The following ZNF638 variants were observed in gnomAD, a reference collection of about 807,000 sequenced individuals.
ZNF638 encodes the protein zinc finger protein 638.
ZNF638 carries 46 observed loss-of-function variants against 195.6 expected under a neutral mutation model. The observed-to-expected ratio is 0.24, with a 90% CI of 0.19 to 0.30. The LOEUF (loss-of-function observed/expected upper bound fraction) is 0.30. Ranked by LOEUF, ZNF638 falls within the 10% of genes least tolerant of loss-of-function variation. The pLI is 1.00. For synonymous variants in ZNF638, 845 were observed against 772.0 expected (o/e 1.09, Z -1.57); for missense variants, 2,440 against 2,325.3 (o/e 1.05, Z -1.01).
chr2:71,417,198 G>T (rs1261979539), intron 20 of ZNF638, among the ~76,000 whole-genome samples: 1 of 151,808 alleles, frequency 6.6e-6, no homozygotes, highest in Non-Finnish European at 1.5e-5. Flanking sequence ...TTCTTAAGCT[G>T]GTCTGAAAAG....
intron 10 of ZNF638, 69 bp downstream of exon 10, chr2:71,380,634 G>A: frequency 7.5e-7 from 1 of 1,325,086 alleles, no homozygotes; most frequent in Non-Finnish European, 1.1e-6. Context: ...CTTAGATGAT[G>A]ATGCTATGAA....
intron 5 of ZNF638, among the ~76,000 whole-genome samples, chr2:71,365,050 T>C (rs1056733391): frequency 2.0e-5 from 3 of 152,230 alleles, no homozygotes; most frequent in Admixed American, 6.5e-5. Flanking sequence ...AAAATATTTA[T>C]GTTAATATGG....
chr2:71,347,958 G>A (rs753986542), intron 1 of ZNF638, among the ~76,000 whole-genome samples: 2 of 152,170 alleles, frequency 1.3e-5, no homozygotes, highest in Admixed American at 1.3e-4. Context: ...TCTCAGGACT[G>A]TTGTGAGCAT....
chr2:71,365,362 T>G (rs997319972), intron 5 of ZNF638, 67 bp from the exon 6 acceptor site: 10 of 1,291,926 alleles, frequency 7.7e-6, no homozygotes, highest in Non-Finnish European at 1.0e-5. Flanking sequence ...ACTATGTGAT[T>G]ATGTCATGAG....
At chr2:71,391,570 A>G (rs535384846) in intron 10 of ZNF638, among the ~76,000 whole-genome samples, 10 of 152,338 alleles carry the variant, frequency 6.6e-5, no homozygotes, top group African/African-American at 2.4e-4. Context: ...TAAGATGTTA[A>G]TCATAGCACC....
intron 1 of ZNF638, among the ~76,000 whole-genome samples, chr2:71,342,969 C>T (rs1042856498): frequency 1.3e-5 from 2 of 152,086 alleles, no homozygotes; most frequent in African/African-American, 4.8e-5. Flanking sequence ...AACTGTCTTA[C>T]AGTATTTTAT....
At chr2:71,348,603 T>A (rs1324833155) in intron 1 of ZNF638, 150 bp from the exon 2 acceptor site, 10 of 1,206,992 alleles carry the variant, frequency 8.3e-6, no homozygotes, top group Non-Finnish European at 1.0e-5. Flanking sequence ...TTTTGGGAAA[T>A]TTAAATCTTC....
intron 1 of ZNF638, among the ~76,000 whole-genome samples, chr2:71,341,548 A>G (rs1307198697): frequency 1.3e-5 from 2 of 152,094 alleles, no homozygotes; most frequent in East Asian, 3.9e-4. Context: ...TTTTATTGGT[A>G]AGGATTTTGT....
chr2:71,369,854 G>A, intron 7 of ZNF638, 29 bp from the exon 8 acceptor site: 1 of 1,551,704 alleles, frequency 6.4e-7, no homozygotes, highest in Non-Finnish European at 8.6e-7. Flanking sequence ...ATAGATTTGT[G>A]ACTAAAGATG....
At chr2:71,403,074 G>C (rs1007909125) in intron 16 of ZNF638, among the ~76,000 whole-genome samples, 4 of 152,080 alleles carry the variant, frequency 2.6e-5, no homozygotes, top group African/African-American at 9.7e-5. Flanking sequence ...GTTTTGAGTG[G>C]AGTTGAGTAA....
At chr2:71,400,985 CTAT>C (rs958491262) in intron 15 of ZNF638, among the ~76,000 whole-genome samples, 18 of 151,336 alleles carry the variant, frequency 1.2e-4, no homozygotes, top group Non-Finnish European at 1.9e-4. Flanking sequence ...ATGTTTATAT[CTAT>C]TATTATTAAT....
intron 20 of ZNF638, 90 bp downstream of exon 20, chr2:71,408,337 G>A: frequency 7.2e-7 from 1 of 1,394,868 alleles, no homozygotes; most frequent in Admixed American, 2.7e-5. Flanking sequence ...CTGTTTCTGT[G>A]TTTAGAGATG....
At chr2:71,390,893 A>G (rs1448973132) in intron 10 of ZNF638, among the ~76,000 whole-genome samples, 1 of 152,120 alleles carries the variant, frequency 6.6e-6, no homozygotes, top group Non-Finnish European at 1.5e-5. Context: ...TCTAAACATG[A>G]CTGTCCCTGT....
chr2:71,426,783 T>A lies in ZNF638; in HGVS notation c.4914T>A (p.Asn1638Lys), dbSNP rs762586567. Residue 1638 changes from asparagine (N) to lysine (K), a missense_variant, in exon 24 of 28, where the codon AAT (asparagine) becomes AAA (lysine). This residue lies in a region of ZNF638 where 1,883 missense variants were observed against 1,739.1 expected (regional missense o/e 1.08). Coordinates refer to ENST00000264447, the MANE Select transcript of ZNF638 (RefSeq NM_014497.5). ...TAAATATGGAAGAAATGGTAAAAAATTCAAATTCACTTTTTACATTAGATG... is the reference window on the plus strand; with the variant it reads ...TAAATATGGAAGAAATGGTAAAAAAATCAAATTCACTTTTTACATTAGATG... ...EELNMEEMVK[N>K]SNSLFTLDEL... is the part of the protein sequence containing the mutation. The A allele has an allele frequency of 1.1e-5, 18 of 1,613,068 alleles. No individual in the cohort carries two copies. Among genetic ancestry groups the A allele is most frequent in the Non-Finnish European group, 1.5e-5 (18 of 1,179,582 alleles).
Position 71,433,250 on chromosome 2 carries a change from C to T in ZNF638, c.5838C>T (p.His1946=). The T allele has an allele frequency of 1.2e-6, 2 of 1,613,978 alleles. No homozygotes were observed. Among genetic ancestry groups the T allele is most frequent in the Non-Finnish European group, 1.7e-6 (2 of 1,179,850 alleles). Residue 1946 remains histidine (H), a synonymous_variant, in exon 27 of 28, where the codon CAC becomes CAT. Transcript: ENST00000264447. The part of the protein sequence containing the change: ...FYSGEKAMTN[H]CKSTRHKQNT... ...CAGGTGAAAAAGCAATGACAAATCA[C>T]TGCAAGAGTACACGTCATAAGCAAA...
intron 10 of ZNF638, among the ~76,000 whole-genome samples, chr2:71,391,905 TC>T (rs2079787570): frequency 6.6e-6 from 1 of 152,140 alleles, no homozygotes. Flanking sequence ...GATATTCAGT[TC>T]AGTTGTTTGT....
chr2:71,357,851 C>A (rs2079049516), intron 3 of ZNF638, among the ~76,000 whole-genome samples: 1 of 152,094 alleles, frequency 6.6e-6, no homozygotes. Context: ...ATTTATTGTA[C>A]TTCCCATAAT....
chr2:71,417,654 T>G (rs1158322512), intron 20 of ZNF638, among the ~76,000 whole-genome samples: 1 of 151,970 alleles, frequency 6.6e-6, no homozygotes, highest in Admixed American at 6.6e-5. Flanking sequence ...TCTGATACCA[T>G]GCAGGGTTTT....
At chr2:71,332,787 C>T (rs2078595981) in intron 1 of ZNF638, 1 of 152,140 alleles carries the variant, frequency 6.6e-6, no homozygotes, top group Admixed American at 6.5e-5. Context: ...AGAGTGAAGG[C>T]TACCTGAAGC....
Sources: allele counts gnomAD v4.1 joint callset (sites outside exome capture counted in the v4.1 genomes callset), GRCh38; gene constraint gnomAD v4.1.1; regional missense constraint gnomAD v4.1.1; transcripts MANE v1.5; gene names NCBI Gene and HGNC (gene_info 2026-07-23, HGNC 2026-07-21).